Variants in OTOA observed in about 807,000 individuals in gnomAD.
The protein encoded by OTOA is cancer/testis antigen 108.
Under a neutral mutation model 110.8 loss-of-function variants are expected in OTOA, and 70 were observed. That is an observed-to-expected ratio of 0.63 (90% confidence interval 0.52 to 0.77). The LOEUF (loss-of-function observed/expected upper bound fraction) is 0.77. Among genes scored for constraint, OTOA ranks in the 30% least tolerant of loss-of-function variants. OTOA has a pLI of 0.00. For missense variants in OTOA, 917 were observed against 1,075.8 expected, an observed-to-expected ratio of 0.85 and a Z score of 2.06; for synonymous variants, 373 against 431.5, an observed-to-expected ratio of 0.86 and a Z score of 1.68.
At chr16:21,670,105 G>A (rs1260589082) in intron 1 of OTOA, among the ~76,000 whole-genome samples, 4 of 151,994 alleles carry the variant, frequency 2.6e-5, no homozygotes, top group Admixed American at 2.0e-4. Context: ...TAGCCTGGGC[G>A]ACAGAGTGAG....
intron 8 of OTOA, among the ~76,000 whole-genome samples, chr16:21,688,952 T>G (rs4783408): frequency 1.3e-5 from 2 of 152,304 alleles, no homozygotes; most frequent in African/African-American, 4.8e-5. Flanking sequence ...ACTGAGACTT[T>G]GTTCTTGAGG....
At chr16:21,679,756 C>T (rs28711934) in intron 5 of OTOA, among the ~76,000 whole-genome samples, 30,149 of 151,926 alleles carry the variant, frequency 0.2, 4,473 homozygotes, top group East Asian at 0.41. Context: ...TTCTACTAAG[C>T]GCTTGGTATA....
At chr16:21,727,602 T>C (rs983584610) in intron 19 of OTOA, among the ~76,000 whole-genome samples, 1 of 152,184 alleles carries the variant, frequency 6.6e-6, no homozygotes, top group Non-Finnish European at 1.5e-5. Context: ...GGCTTTCAAG[T>C]GGCATACAAA....
chr16:21,724,326 TAG>T (rs1172757207), intron 18 of OTOA, among the ~76,000 whole-genome samples: 5 of 151,846 alleles, frequency 3.3e-5, no homozygotes, highest in Non-Finnish European at 5.9e-5. Context: ...TAATGCTGGA[TAG>T]AGAGTTTAAG....
At chr16:21,722,352 CTA>C (rs1275297083) in intron 17 of OTOA, among the ~76,000 whole-genome samples, 2 of 99,698 alleles carry the variant, frequency 2.0e-5, no homozygotes, top group Non-Finnish European at 4.5e-5. Flanking sequence ...ATGTATAAAA[CTA>C]TATATATAGT....
intron 17 of OTOA, chr16:21,721,591 T>C: frequency 2.3e-6 from 1 of 432,058 alleles, no homozygotes; most frequent in South Asian, 1.6e-5. Context: ...GAGTTTTCTT[T>C]TATATATAAA....
intron 1 of OTOA, among the ~76,000 whole-genome samples, chr16:21,664,662 C>T (rs969212110): frequency 5.4e-4 from 82 of 152,066 alleles, no homozygotes; most frequent in African/African-American, 1.9e-3. Flanking sequence ...TACCTCATAA[C>T]AGTTGTGTGG....
intron 21 of OTOA, among the ~76,000 whole-genome samples, chr16:21,733,662 G>A (rs1304682116): frequency 1.3e-4 from 19 of 150,442 alleles, no homozygotes; most frequent in African/African-American, 2.9e-4. Context: ...AAGTGTATTC[G>A]TTCTAGATGA....
chr16:21,722,499 A>G (rs1279685259), intron 17 of OTOA, among the ~76,000 whole-genome samples: 1 of 151,520 alleles, frequency 6.6e-6, no homozygotes, highest in Admixed American at 6.6e-5. Context: ...TAATATAACT[A>G]TATATATGCA....
chr16:21,729,302 G>A (rs2141720556), intron 20 of OTOA, among the ~76,000 whole-genome samples: 1 of 152,278 alleles, frequency 6.6e-6, no homozygotes, highest in South Asian at 2.1e-4. Context: ...CTCCCACAGT[G>A]TTGGGATTAT....
chr16:21,674,074 G>A (rs1174387381), intron 1 of OTOA, among the ~76,000 whole-genome samples: 4 of 152,202 alleles, frequency 2.6e-5, no homozygotes, highest in Non-Finnish European at 5.9e-5. Flanking sequence ...TGGGATTATA[G>A]GCGTGAGCCA....
At chr16:21,695,891 A>ATATATATAT (rs569493650) in intron 9 of OTOA, among the ~76,000 whole-genome samples, 28 of 41,900 alleles carry the variant, frequency 6.7e-4, no homozygotes, top group Non-Finnish European at 6.7e-4. Flanking sequence ...ATATATATAT[A>ATATATATAT]TTTTTTTTTT....
At chr16:21,671,397 G>A (rs980604389) in intron 1 of OTOA, among the ~76,000 whole-genome samples, 1 of 151,682 alleles carries the variant, frequency 6.6e-6, no homozygotes, top group Non-Finnish European at 1.5e-5. Flanking sequence ...GATCAGCCTG[G>A]CCAACATGGT....
chr16:21,708,676 A>C (rs1235738046), intron 12 of OTOA, among the ~76,000 whole-genome samples: 1 of 152,118 alleles, frequency 6.6e-6, no homozygotes, highest in East Asian at 1.9e-4. Flanking sequence ...GCGCTTTGAC[A>C]GTTGTTTCTT....
intron 6 of OTOA, among the ~76,000 whole-genome samples, chr16:21,683,322 G>A (rs1165946840): frequency 6.6e-6 from 1 of 152,144 alleles, no homozygotes; most frequent in Non-Finnish European, 1.5e-5. Flanking sequence ...ACTCTATGTG[G>A]TAAGTCCTTT....
chr16:21,707,675 G>T lies in OTOA; in HGVS notation c.1105-2213G>T, dbSNP rs1177262969. ...TTTCTTTCTCTTTCTTTCTCTTTCT[G>T]TCTCTCTCTTTCTTTCTTCCCTCCT... is the stretch of plus-strand genomic sequence containing the variant. On this transcript the variant is annotated intron_variant, in intron 12 of 28. Coordinates refer to ENST00000646100, the MANE Select transcript of OTOA (RefSeq NM_144672.4). Among the ~76,000 whole-genome samples, 9 of 111,028 alleles carry T rather than the reference G, an allele frequency of 8.1e-5. No individual in the cohort carries two copies. In the East Asian group the frequency reaches 1.1e-3, roughly 14 times the overall value. 72.8% of individuals were successfully genotyped at this position (111,028 alleles called of 152,430 possible). A position where few individuals can be genotyped will look rare whatever the true frequency, so the allele number is the denominator to read the frequency against.
At chr16:21,705,416 T>A in intron 12 of OTOA, 124 bp downstream of exon 12, 1 of 1,440,874 alleles carries the variant, frequency 6.9e-7, no homozygotes, top group Non-Finnish European at 9.6e-7. Flanking sequence ...TTAAGTCCAG[T>A]CACAGCAGAT....
chr16:21,700,933 A>G lies in OTOA; in HGVS notation c.886A>G (p.Met296Val), dbSNP rs200865206. The G allele has an allele frequency of 1.2e-6, 2 of 1,614,100 alleles. No individual in the cohort carries two copies. Among genetic ancestry groups the G allele is most frequent in the Non-Finnish European group, 1.7e-6 (2 of 1,180,012 alleles). The change falls in exon 11 of 29, where the codon ATG (methionine) becomes GTG (valine). Residue 296 changes from methionine to valine, a missense_variant. By Grantham distance (21) the Met-to-Val change is conservative. Transcript: ENST00000646100. Reference sequence around the variant, plus strand: ...TGACAACGCCACCAAGCAGCTGGACATGGTCTATGACATCACACCTGAGCT... The same window carrying G: ...TGACAACGCCACCAAGCAGCTGGACGTGGTCTATGACATCACACCTGAGCT... ...SYDNATKQLD[M>V]VYDITPELAQ...
rs563892833 is a variant in OTOA at position 21,757,743 on chromosome 16, C to T, written c.3349+466C>T. 1.1e-3 allele frequency among the ~76,000 whole-genome samples: 173 copies of T among 152,018 alleles called. 1 individual carries two copies. The highest frequency in any genetic ancestry group is 4.0e-3 in the African/African-American group (166 of 41,408). On this transcript the variant is annotated intron_variant, in intron 28 of 28. Coordinates refer to ENST00000646100, the MANE Select transcript of OTOA (RefSeq NM_144672.4). Reference sequence around the variant, plus strand: ...AAGCGATCCTCCCACCTCAGCCTCCCAGTAGCTAGGATCACAGGTGTGTGC... The same window carrying T: ...AAGCGATCCTCCCACCTCAGCCTCCTAGTAGCTAGGATCACAGGTGTGTGC...
Sources: allele counts gnomAD v4.1 joint callset (sites outside exome capture counted in the v4.1 genomes callset), GRCh38; gene constraint gnomAD v4.1.1; transcripts MANE v1.5; gene names NCBI Gene and HGNC (gene_info 2026-07-23, HGNC 2026-07-21).